Variants in MYH14 observed in about 807,000 individuals in gnomAD.
The protein encoded by MYH14 is myosin heavy chain 14.
MYH14 carries 123 observed loss-of-function variants against 255.5 expected under a neutral mutation model. That is an observed-to-expected ratio of 0.48 (90% CI 0.42 to 0.56). The LOEUF is 0.56. Among genes scored for constraint, MYH14 ranks in the 20% least tolerant of loss-of-function variants. MYH14 has a pLI of 0.00. For missense variants in MYH14, 2,423 were observed against 2,802.3 expected (o/e 0.86, Z 3.06); for synonymous variants, 1,095 against 1,161.2 (o/e 0.94, Z 1.16).
intron 39 of MYH14, among the ~76,000 whole-genome samples, chr19:50,295,626 A>G (rs1000531415): frequency 1.3e-5 from 2 of 152,082 alleles, no homozygotes; most frequent in African/African-American, 2.4e-5. Flanking sequence ...CTCCATCCCT[A>G]CACAAAATTG....
intron 25 of MYH14, 60 bp downstream of exon 25, chr19:50,271,606 T>C (rs2035304915): frequency 6.4e-7 from 1 of 1,568,392 alleles, no homozygotes; most frequent in Admixed American, 1.9e-5. Flanking sequence ...GGTTAATGAA[T>C]GGTGAACTTC....
chr19:50,292,180 C>A, intron 36 of MYH14, 81 bp from the exon 37 acceptor site: 1 of 1,401,424 alleles, frequency 7.1e-7, no homozygotes, highest in Non-Finnish European at 9.4e-7. Context: ...TGAGGAGCCC[C>A]GTCGGTCTGG....
chr19:50,269,236 G>A (rs924308494), intron 24 of MYH14, among the ~76,000 whole-genome samples: 6 of 152,276 alleles, frequency 3.9e-5, no homozygotes, highest in African/African-American at 1.4e-4. Flanking sequence ...GAGTGCAGTG[G>A]CACCATCTCA....
chr19:50,264,426 G>A (rs1237816794), intron 22 of MYH14, among the ~76,000 whole-genome samples: 1 of 152,176 alleles, frequency 6.6e-6, no homozygotes, highest in Non-Finnish European at 1.5e-5. Flanking sequence ...CAAGGCCCCA[G>A]GTAAACCAAG....
At chr19:50,219,110 G>T in intron 3 of MYH14, among the ~76,000 whole-genome samples, 1 of 137,916 alleles carries the variant, frequency 7.3e-6, no homozygotes, top group Non-Finnish European at 1.6e-5. Context: ...ACACACCATG[G>T]GATATATATG....
intron 7 of MYH14, 139 bp from the exon 8 acceptor site, chr19:50,226,764 G>C (rs377321045): frequency 1.2e-4 from 89 of 759,902 alleles, no homozygotes; most frequent in South Asian, 1.0e-3. Flanking sequence ...CCACAGGATG[G>C]GGTTCAGGTA....
chr19:50,223,720 C>T (rs564553035), intron 5 of MYH14, among the ~76,000 whole-genome samples: 1 of 152,300 alleles, frequency 6.6e-6, no homozygotes, highest in East Asian at 1.9e-4. Flanking sequence ...GCCTTACTTA[C>T]CCCTCGGGTG....
At chr19:50,300,720 G>A (rs2036451890) in intron 39 of MYH14, among the ~76,000 whole-genome samples, 1 of 152,178 alleles carries the variant, frequency 6.6e-6, no homozygotes, top group African/African-American at 2.4e-5. Flanking sequence ...CTGCACTCCA[G>A]CCTGGGCGAC....
intron 3 of MYH14, among the ~76,000 whole-genome samples, chr19:50,218,555 G>A (rs747322781): frequency 8.6e-5 from 13 of 151,832 alleles, no homozygotes; most frequent in Non-Finnish European, 1.5e-4. Context: ...CCGAGATCGC[G>A]CCACTGCACT....
rs71180680 is a variant in MYH14, at chr19:50,210,096, CAAAAAAAAAAAAAAAAAA to C, written c.-3-252_-3-235del. 1.9e-3 allele frequency among the ~76,000 whole-genome samples: 116 copies of C among 59,636 alleles called. 1 individual carries two copies. The highest frequency in any genetic ancestry group is 2.8e-3 in the Non-Finnish European group (95 of 33,896). 39.1% of individuals were successfully genotyped at this position (59,636 alleles called of 152,430 possible). ...CTGGGCAACAAGCGAGACTCCGTCT[CAAAAAAAAAAAAAAAAAA>C]AAAAAAAAAAAAAAGAACTGACCCT... On this transcript the variant is annotated intron_variant, in intron 1 of 42. Transcript: ENST00000642316.
intron 10 of MYH14, among the ~76,000 whole-genome samples, chr19:50,241,923 G>A (rs1233478393): frequency 6.6e-6 from 1 of 152,216 alleles, no homozygotes; most frequent in African/African-American, 2.4e-5. Context: ...GGGATTACGG[G>A]CGTGAGCCCG....
rs528082699 is a variant in MYH14 at position 50,263,051 on chromosome 19, T to A, written c.2586-261T>A. On this transcript the variant is annotated intron_variant, in intron 21 of 42. Coordinates refer to ENST00000642316, the MANE Select transcript of MYH14 (RefSeq NM_001145809.2). The stretch of plus-strand genomic sequence containing the variant: ...CCCATCTCTACTAAAAATACAAAAA[T>A]TAGCCGAGTGTTGTGGCACGCACCT... Among the ~76,000 whole-genome samples, 4 of 152,028 alleles carry A rather than the reference T, an allele frequency of 2.6e-5. No homozygotes were observed. The South Asian group carries it at 8.3e-4, about 32-fold the overall frequency.
chr19:50,273,900 T>C (rs978192618), intron 27 of MYH14, among the ~76,000 whole-genome samples: 1 of 152,098 alleles, frequency 6.6e-6, no homozygotes, highest in Non-Finnish European at 1.5e-5. Flanking sequence ...GTTAGGATTA[T>C]AGGCGTGAGG....
At chr19:50,246,326 A>G (rs1461855200) in intron 11 of MYH14, among the ~76,000 whole-genome samples, 3 of 152,076 alleles carry the variant, frequency 2.0e-5, no homozygotes, top group Admixed American at 6.6e-5. Flanking sequence ...TTTTTAGTAC[A>G]GACGGGGTTT....
At chr19:50,267,623 A>AATAATAATAATAATAATAAT (rs2035136415) in intron 23 of MYH14, among the ~76,000 whole-genome samples, 2 of 149,214 alleles carry the variant, frequency 1.3e-5, no homozygotes, top group African/African-American at 5.0e-5. Flanking sequence ...TCTGTCTCAA[A>AATAATAATAATAATAATAAT]AATAATAATA....
intron 26 of MYH14, 45 bp from the exon 27 acceptor site, chr19:50,272,515 T>C (rs1441972631): frequency 6.5e-7 from 1 of 1,548,570 alleles, no homozygotes; most frequent in Non-Finnish European, 8.7e-7. Context: ...CGGCTGAGTG[T>C]GCAGGCCTGG....
chr19:50,205,265 C>G (rs530178844), intron 1 of MYH14, among the ~76,000 whole-genome samples: 1 of 152,348 alleles, frequency 6.6e-6, no homozygotes, highest in South Asian at 2.1e-4. Context: ...GCGGCGGGCC[C>G]TCGACCTTTG....
At chr19:50,228,529 T>C (rs1416057072) in intron 8 of MYH14, among the ~76,000 whole-genome samples, 2 of 152,060 alleles carry the variant, frequency 1.3e-5, no homozygotes, top group Non-Finnish European at 2.9e-5. Flanking sequence ...AGATGCTTCC[T>C]GGGCTGTCAC....
chr19:50,260,824 TG>T, intron 20 of MYH14, 109 bp downstream of exon 20: 1 of 794,524 alleles, frequency 1.3e-6, no homozygotes, highest in Non-Finnish European at 2.1e-6. Flanking sequence ...TGTGTGCAAG[TG>T]TGTGTGCATG....
Sources: allele counts gnomAD v4.1 joint callset (sites outside exome capture counted in the v4.1 genomes callset), GRCh38; gene constraint gnomAD v4.1.1; transcripts MANE v1.5; gene names NCBI Gene and HGNC (gene_info 2026-07-23, HGNC 2026-07-21).